The following STXBP5L variants were observed in gnomAD, a reference collection of about 807,000 sequenced individuals.
STXBP5L encodes the protein syntaxin binding protein 5L.
In STXBP5L, 65 loss-of-function variants were observed where a neutral mutation model predicts 144.5. That is an observed-to-expected ratio of 0.45 (90% CI 0.37 to 0.55). The LOEUF (loss-of-function observed/expected upper bound fraction) is 0.55. Among genes scored for constraint, STXBP5L ranks in the 20% least tolerant of loss-of-function variants. The pLI is 0.00. For missense variants in STXBP5L, 1,298 were observed against 1,405.5 expected (o/e 0.92, Z 1.22); for synonymous variants, 505 against 469.6 (o/e 1.08, Z -0.97).
chr3:121,227,585 AT>A (rs752080321), intron 11 of STXBP5L, among the ~76,000 whole-genome samples: 9 of 151,748 alleles, frequency 5.9e-5, no homozygotes, highest in Non-Finnish European at 1.2e-4. Context: ...GTTTCAAAAA[AT>A]TTTTTTTTCT....
chr3:121,060,421 G>A (rs563457154), intron 5 of STXBP5L, among the ~76,000 whole-genome samples: 1 of 152,142 alleles, frequency 6.6e-6, no homozygotes, highest in East Asian at 1.9e-4. Flanking sequence ...AGGGATATTG[G>A]CCTGAAATTT....
chr3:120,951,257 T>A (rs1156610616), intron 2 of STXBP5L, among the ~76,000 whole-genome samples: 1 of 151,956 alleles, frequency 6.6e-6, no homozygotes, highest in Non-Finnish European at 1.5e-5. Context: ...GGACTTCATG[T>A]CTAAAACACC....
At chr3:121,093,515 C>T (rs1035083075) in intron 5 of STXBP5L, among the ~76,000 whole-genome samples, 7 of 152,146 alleles carry the variant, frequency 4.6e-5, no homozygotes, top group African/African-American at 9.7e-5. Flanking sequence ...GTATATGTGT[C>T]GAGGAATTTA....
At chr3:121,023,043 T>A (rs1285717292) in intron 3 of STXBP5L, among the ~76,000 whole-genome samples, 2 of 152,030 alleles carry the variant, frequency 1.3e-5, no homozygotes, top group African/African-American at 4.8e-5. Context: ...GTAAATAGAT[T>A]CAGCAAAGTT....
intron 2 of STXBP5L, among the ~76,000 whole-genome samples, chr3:120,918,844 T>A (rs1709227396): frequency 6.6e-6 from 1 of 152,168 alleles, no homozygotes. Flanking sequence ...CTTGTGCTTT[T>A]GTGTATATTA....
chr3:121,087,627 G>C lies in STXBP5L; in HGVS notation c.471-27298G>C, dbSNP rs137920895. Among the ~76,000 whole-genome samples the C allele has an allele frequency of 3.8e-4, 57 of 151,984 alleles. No individual in the cohort carries two copies. In the East Asian group the frequency reaches 5.8e-3, roughly 15 times the overall value. ...TGGGTCATGGTTTTTAATTCATTCTGTCAGTCTATATATTTTAATTAATGT... is the reference window on the plus strand; with the variant it reads ...TGGGTCATGGTTTTTAATTCATTCTCTCAGTCTATATATTTTAATTAATGT... On this transcript the variant is annotated intron_variant, in intron 5 of 26. Transcript: ENST00000471454.
At chr3:121,022,056 A>G (rs1560013569) in intron 3 of STXBP5L, among the ~76,000 whole-genome samples, 1 of 152,190 alleles carries the variant, frequency 6.6e-6, no homozygotes, top group African/African-American at 2.4e-5. Context: ...GAAGATCCAA[A>G]TAAACCCCAT....
At chr3:121,285,245 A>G (rs956426926) in intron 19 of STXBP5L, among the ~76,000 whole-genome samples, 3 of 152,026 alleles carry the variant, frequency 2.0e-5, no homozygotes, top group Admixed American at 1.3e-4. Context: ...ATATATTAGT[A>G]TATTTCTCTA....
intron 7 of STXBP5L, among the ~76,000 whole-genome samples, chr3:121,139,837 A>G (rs2045419242): frequency 2.0e-5 from 3 of 152,082 alleles, no homozygotes; most frequent in South Asian, 2.1e-4. Flanking sequence ...TGGACAAACC[A>G]TCACTTATGC....
chr3:121,124,166 C>T (rs1183605443), intron 7 of STXBP5L, among the ~76,000 whole-genome samples: 1 of 151,840 alleles, frequency 6.6e-6, no homozygotes, highest in Non-Finnish European at 1.5e-5. Flanking sequence ...CTAGGCTTAA[C>T]CTTTTGCTGA....
At chr3:121,062,888 T>C (rs992807023) in intron 5 of STXBP5L, among the ~76,000 whole-genome samples, 4 of 152,228 alleles carry the variant, frequency 2.6e-5, no homozygotes, top group Non-Finnish European at 5.9e-5. Context: ...AAATTAGTTA[T>C]TCTAGTTAGC....
At chr3:121,106,612 A>G (rs1451875516) in intron 5 of STXBP5L, among the ~76,000 whole-genome samples, 2 of 152,114 alleles carry the variant, frequency 1.3e-5, no homozygotes, top group Non-Finnish European at 1.5e-5. Context: ...CATGGTGTAT[A>G]TGTATCATAT....
At chr3:120,965,558 A>G (rs1939462259) in intron 3 of STXBP5L, among the ~76,000 whole-genome samples, 1 of 152,204 alleles carries the variant, frequency 6.6e-6, no homozygotes, top group Admixed American at 6.5e-5. Flanking sequence ...TGGATATGAT[A>G]TTCTCCATTG....
rs542672198 is a variant in STXBP5L, at chr3:120,974,355, T to C, written c.287+19318T>C. Reference sequence around the variant, plus strand: ...TAAATGTCTTCTTTTGAGAAGTGTCTGTTCATGTCCTTCGCCCACTTTTTG... The same window carrying C: ...TAAATGTCTTCTTTTGAGAAGTGTCCGTTCATGTCCTTCGCCCACTTTTTG... On this transcript the variant is annotated intron_variant, in intron 3 of 26. Coordinates refer to ENST00000471454, the MANE Select transcript of STXBP5L (RefSeq NM_001308330.2). Among the ~76,000 whole-genome samples the C allele has an allele frequency of 1.8e-4, 27 of 152,214 alleles. No homozygotes were observed. The East Asian group carries it at 5.0e-3, about 28-fold the overall frequency.
chr3:121,313,816 C>T (rs187873966), intron 19 of STXBP5L, among the ~76,000 whole-genome samples: 12,740 of 140,080 alleles, frequency 0.091, 949 homozygotes, highest in Admixed American at 0.19. Context: ...GGTTGCCGGA[C>T]GGAGGGGCTC....
intron 5 of STXBP5L, among the ~76,000 whole-genome samples, chr3:121,075,450 GCCT>G (rs2041979203): frequency 6.6e-6 from 1 of 152,010 alleles, no homozygotes; most frequent in Non-Finnish European, 1.5e-5. Context: ...TTCTCTCTTG[GCCT>G]CCTCATCTTG....
chr3:121,173,148 G>A (rs990449927), intron 9 of STXBP5L, among the ~76,000 whole-genome samples: 4 of 152,034 alleles, frequency 2.6e-5, no homozygotes, highest in African/African-American at 7.2e-5. Flanking sequence ...GGAAACACAG[G>A]GAGGGGAACA....
At chr3:121,166,135 T>C (rs1206583881) in intron 9 of STXBP5L, among the ~76,000 whole-genome samples, 1 of 151,996 alleles carries the variant, frequency 6.6e-6, no homozygotes, top group Non-Finnish European at 1.5e-5. Context: ...CCCTCCTGAG[T>C]AGCTGGGACT....
chr3:121,069,028 GC>G (rs1314136200), intron 5 of STXBP5L, among the ~76,000 whole-genome samples: 1 of 152,058 alleles, frequency 6.6e-6, no homozygotes, highest in African/African-American at 2.4e-5. Flanking sequence ...ACTTGAATGT[GC>G]ATAGTTATAT....
Sources: allele counts gnomAD v4.1 joint callset (sites outside exome capture counted in the v4.1 genomes callset), GRCh38; gene constraint gnomAD v4.1.1; transcripts MANE v1.5; gene names NCBI Gene and HGNC (gene_info 2026-07-23, HGNC 2026-07-21).